RMDN2: variants seen among roughly 807,000 people sequenced by gnomAD.
The protein encoded by RMDN2 is regulator of microtubule dynamics 2, also known as regulator of microtubule dynamics protein 2.
Under a neutral mutation model 52.8 loss-of-function variants are expected in RMDN2, and 61 were observed. The ratio of observed to expected loss-of-function variants is 1.16; its 90% CI spans 0.94 to 1.43. The LOEUF (loss-of-function observed/expected upper bound fraction) is 1.43, where lower values mean the gene tolerates loss of function less well. RMDN2 is among the 40% of genes most tolerant of loss of function. RMDN2 has a pLI of 0.00. For missense variants in RMDN2, 592 were observed against 475.3 expected (o/e 1.25, Z -2.28); for synonymous variants, 180 against 153.1 (o/e 1.18, Z -1.30).
chr2:37,977,501 C>T (rs545455123), intron 4 of RMDN2, among the ~76,000 whole-genome samples: 219 of 149,816 alleles, frequency 1.5e-3, no homozygotes, highest in African/African-American at 4.7e-3. Context: ...GGCTGCCGGG[C>T]GGAGACGCGC....
chr2:37,951,110 T>C, intron 2 of RMDN2: 1 of 899,860 alleles, frequency 1.1e-6, no homozygotes, highest in East Asian at 2.4e-5. Context: ...TGTTTTCATA[T>C]TAGTATGGAA....
intron 5 of RMDN2, among the ~76,000 whole-genome samples, chr2:37,983,840 C>A (rs1673641438): frequency 6.6e-6 from 1 of 152,148 alleles, no homozygotes; most frequent in African/African-American, 2.4e-5. Context: ...CTCATTCATT[C>A]AGCATGAATG....
rs540606844 is a variant in RMDN2 at position 38,008,886 on chromosome 2, T to G, written c.1179+4670T>G. On this transcript the variant is annotated intron_variant, in intron 10 of 10. Transcript: ENST00000354545. ...TTGAGTGCTTCCTTCAGGAGCTCTT[T>G]TAGGGCAGGTCTGGTGGTGACAAAA... Among the ~76,000 whole-genome samples, 369 of 152,324 alleles carry G rather than the reference T, an allele frequency of 2.4e-3. 1 individual carries two copies. The highest frequency in any genetic ancestry group is 4.1e-3 in the Non-Finnish European group (280 of 68,034).
intron 10 of RMDN2, among the ~76,000 whole-genome samples, chr2:38,058,380 G>A (rs982838201): frequency 1.3e-5 from 2 of 152,234 alleles, no homozygotes; most frequent in Non-Finnish European, 2.9e-5. Context: ...CAGCATGAGG[G>A]GAAGACCCTC....
In RMDN2 at chr2:38,023,859, C is replaced by T. The variant is rs183052968; in HGVS notation, c.1713+19643C>T. ...TTATAAATTTTGACGTGTACACCCA[C>T]GAAACCATCACCACAGTTAAGGTAA... On this transcript the variant is annotated intron_variant, in intron 10 of 10. Coordinates refer to the RMDN2 transcript ENST00000234195. 9.2e-5 allele frequency among the ~76,000 whole-genome samples: 14 copies of T among 152,276 alleles called. 1 individual carries two copies. The highest frequency in any genetic ancestry group is 2.6e-4 in the Admixed American group (4 of 15,296).
At chr2:37,998,855 A>G (rs1055566658) in intron 8 of RMDN2, among the ~76,000 whole-genome samples, 3 of 152,230 alleles carry the variant, frequency 2.0e-5, no homozygotes, top group African/African-American at 7.2e-5. Context: ...ACACAATGAC[A>G]ATCAAAGATT....
At chr2:37,955,956 A>G (rs1050426001) in intron 2 of RMDN2, among the ~76,000 whole-genome samples, 1 of 74,112 alleles carries the variant, frequency 1.3e-5, no homozygotes, top group Admixed American at 2.1e-4. Context: ...GTTTGCTGTT[A>G]TTTCATTCAG....
At chr2:38,054,055 A>G (rs1681748409) in intron 10 of RMDN2, among the ~76,000 whole-genome samples, 1 of 152,196 alleles carries the variant, frequency 6.6e-6, no homozygotes, top group African/African-American at 2.4e-5. Context: ...TACTCACCTC[A>G]TTCCTATGAA....
intron 2 of RMDN2, among the ~76,000 whole-genome samples, chr2:37,959,437 C>T (rs954684992): frequency 6.6e-6 from 1 of 151,036 alleles, no homozygotes; most frequent in Non-Finnish European, 1.5e-5. Context: ...AGTTTATTTG[C>T]ATAGAGGTGT....
chr2:37,991,432 T>C (rs1674777163), intron 7 of RMDN2, 135 bp downstream of exon 7: 2 of 339,796 alleles, frequency 5.9e-6, no homozygotes, highest in Non-Finnish European at 1.1e-5. Flanking sequence ...AAATTTTATT[T>C]TAATGTATAA....
At chr2:38,002,046 G>T (rs766657070) in intron 8 of RMDN2, among the ~76,000 whole-genome samples, 1 of 152,098 alleles carries the variant, frequency 6.6e-6, no homozygotes, top group Non-Finnish European at 1.5e-5. Context: ...GATTTATACC[G>T]AGTCTGGCTC....
In RMDN2 at chr2:37,929,622, A is replaced by G. The variant is rs61743789; in HGVS notation, c.345A>G (p.Ile115Met). The G allele has an allele frequency of 2.5e-3, 3,910 of 1,551,590 alleles. 96 individuals are homozygous for G. In the African/African-American group the frequency reaches 0.046, roughly 18 times the overall value. The change falls in exon 2 of 11, where the codon ATA becomes ATG. Residue 115 changes from isoleucine to methionine, a missense_variant. Coordinates refer to ENST00000354545, the MANE Select transcript of RMDN2 (RefSeq NM_001170791.3). ...TACAAGATGAACTTGGAGGGAAAAT[A>G]ACTGTTCATAAGATAAGCCCTCAGC... The part of the protein sequence containing the change: ...EYIQDELGGK[I>M]TVHKISPQHR...
At chr2:38,026,006 AC>A (rs1679754729) in intron 10 of RMDN2, among the ~76,000 whole-genome samples, 1 of 152,094 alleles carries the variant, frequency 6.6e-6, no homozygotes, top group Non-Finnish European at 1.5e-5. Context: ...TTCCTTAAAA[AC>A]TATGTAGAAT....
rs72901030 is a variant in RMDN2 at position 38,000,695 on chromosome 2, G to C, written c.1044+3181G>C. Among the ~76,000 whole-genome samples the C allele has an allele frequency of 8.1e-3, 1,233 of 152,206 alleles. 22 individuals carry two copies. The highest frequency in any genetic ancestry group is 0.028 in the African/African-American group (1,163 of 41,522). On this transcript the variant is annotated intron_variant, in intron 8 of 10. Transcript: ENST00000354545. ...ATCAGCAGCTCCTTTTCATTGCTAA[G>C]TAATATTCCATTATATGGATATACC...
chr2:37,943,191 T>C (rs1013346298), intron 2 of RMDN2, among the ~76,000 whole-genome samples: 3 of 152,122 alleles, frequency 2.0e-5, no homozygotes, highest in African/African-American at 7.2e-5. Flanking sequence ...TCAAGCACAA[T>C]GTGTAGCATG....
At chr2:37,944,958 A>G (rs1173371828) in intron 2 of RMDN2, among the ~76,000 whole-genome samples, 1 of 152,324 alleles carries the variant, frequency 6.6e-6, no homozygotes, top group African/African-American at 2.4e-5. Context: ...AAAGGAAATA[A>G]CCTATGAAAC....
At chr2:38,050,759 G>T (rs1365006738) in intron 10 of RMDN2, among the ~76,000 whole-genome samples, 1 of 152,166 alleles carries the variant, frequency 6.6e-6, no homozygotes, top group African/African-American at 2.4e-5. Flanking sequence ...TTAGTTTGTT[G>T]TTGTTGTTGT....
chr2:37,974,843 T>A, intron 3 of RMDN2: 1 of 196,990 alleles, frequency 5.1e-6, no homozygotes, highest in Non-Finnish European at 1.0e-5. Flanking sequence ...TTTACAGATA[T>A]TAACTGAGAT....
intron 1 of RMDN2, among the ~76,000 whole-genome samples, chr2:37,928,156 C>G (rs1051132505): frequency 4.6e-5 from 7 of 152,162 alleles, no homozygotes; most frequent in African/African-American, 1.7e-4. Context: ...ACACTTAGGC[C>G]TGTAATGAAG....
Sources: gnomAD v4.1 joint callset for allele counts (sites outside exome capture counted in the v4.1 genomes callset) on GRCh38, gnomAD v4.1.1 for gene constraint, MANE v1.5 for transcripts, NCBI Gene and HGNC (gene_info 2026-07-23, HGNC 2026-07-21) for gene names.